PPP1R9A: variants seen among roughly 807,000 people sequenced by gnomAD.
PPP1R9A encodes the protein protein phosphatase 1 regulatory subunit 9A, also known as neurabin-1.
A neutral mutation model predicts 141.9 loss-of-function variants in PPP1R9A; 59 were observed. That is an observed-to-expected ratio of 0.42 (90% CI 0.34 to 0.52). The LOEUF is 0.52. PPP1R9A is among the 20% of genes least tolerant of loss of function. PPP1R9A has a pLI of 0.10. For synonymous variants in PPP1R9A, 500 were observed against 569.7 expected (o/e 0.88, Z 1.74); for missense variants, 1,444 against 1,611.9 (o/e 0.90, Z 1.78).
chr7:95,049,055 C>T (rs1326093985), intron 2 of PPP1R9A, among the ~76,000 whole-genome samples: 1 of 152,124 alleles, frequency 6.6e-6, no homozygotes, highest in Non-Finnish European at 1.5e-5. Context: ...CAAACAAGCA[C>T]AGGGAGAAGT....
At chr7:95,228,487 A>G (rs978226795) in intron 8 of PPP1R9A, among the ~76,000 whole-genome samples, 2 of 152,104 alleles carry the variant, frequency 1.3e-5, no homozygotes, top group African/African-American at 4.8e-5. Context: ...GAGGGCCAAC[A>G]TTATTATCTA....
chr7:95,162,040 C>T, intron 5 of PPP1R9A, 69 bp downstream of exon 5: 1 of 953,546 alleles, frequency 1.0e-6, no homozygotes, highest in Non-Finnish European at 1.5e-6. Flanking sequence ...TATAGTTTAA[C>T]CTGCAAATAA....
intron 2 of PPP1R9A, among the ~76,000 whole-genome samples, chr7:95,084,743 C>A (rs989879125): frequency 6.6e-6 from 1 of 151,916 alleles, no homozygotes; most frequent in African/African-American, 2.4e-5. Context: ...TGAGCCATAG[C>A]CCACTTAGTT....
intron 2 of PPP1R9A, among the ~76,000 whole-genome samples, chr7:95,019,048 A>G (rs1371758156): frequency 6.6e-6 from 1 of 152,222 alleles, no homozygotes; most frequent in African/African-American, 2.4e-5. Context: ...CATACCAGAC[A>G]TAAAAATTTG....
chr7:95,181,283 C>T (rs1203940948), intron 5 of PPP1R9A, among the ~76,000 whole-genome samples: 2 of 130,446 alleles, frequency 1.5e-5, no homozygotes, highest in African/African-American at 2.9e-5. Context: ...AATATATATT[C>T]CATCATATAT....
intron 2 of PPP1R9A, among the ~76,000 whole-genome samples, chr7:95,026,999 G>C (rs1041103459): frequency 9.9e-5 from 15 of 152,162 alleles, no homozygotes; most frequent in African/African-American, 3.6e-4. Context: ...TTTCAAGCCA[G>C]TGGATCTTAG....
chr7:95,010,780 CTA>C (rs1306897714), intron 2 of PPP1R9A, among the ~76,000 whole-genome samples: 2 of 151,806 alleles, frequency 1.3e-5, no homozygotes, highest in Non-Finnish European at 2.9e-5. Context: ...AAAATTATAA[CTA>C]TTTGAACCAG....
At chr7:95,101,865 C>T (rs1563237567) in intron 2 of PPP1R9A, among the ~76,000 whole-genome samples, 1 of 152,092 alleles carries the variant, frequency 6.6e-6, no homozygotes, top group Non-Finnish European at 1.5e-5. Context: ...TTAATCTTTA[C>T]ATTTCCTTTT....
chr7:95,263,080 G>A (rs1167999936), intron 12 of PPP1R9A, among the ~76,000 whole-genome samples: 1 of 152,052 alleles, frequency 6.6e-6, no homozygotes, highest in Non-Finnish European at 1.5e-5. Flanking sequence ...TTCTCTCATG[G>A]GGAAGACTGA....
At chr7:95,189,433 CTTTTTT>C (rs1195484637) in intron 5 of PPP1R9A, among the ~76,000 whole-genome samples, 2 of 116,232 alleles carry the variant, frequency 1.7e-5, no homozygotes, top group Non-Finnish European at 3.5e-5. Flanking sequence ...TTTGTTTATT[CTTTTTT>C]TTTTTTTTTT....
intron 5 of PPP1R9A, among the ~76,000 whole-genome samples, chr7:95,173,401 A>T (rs1832433068): frequency 6.6e-6 from 1 of 151,992 alleles, no homozygotes; most frequent in African/African-American, 2.4e-5. Flanking sequence ...CCATGTAACA[A>T]ATCTGCATAT....
At chr7:95,072,478 G>C (rs965891502) in intron 2 of PPP1R9A, among the ~76,000 whole-genome samples, 1 of 143,340 alleles carries the variant, frequency 7.0e-6, no homozygotes, top group Non-Finnish European at 1.5e-5. Context: ...ATTGTCACTT[G>C]ATTCACATGT....
intron 2 of PPP1R9A, among the ~76,000 whole-genome samples, chr7:95,068,554 T>A (rs1464753503): frequency 1.3e-5 from 2 of 149,486 alleles, no homozygotes; most frequent in African/African-American, 2.5e-5. Context: ...ATAGCCTGGG[T>A]TAGTTTTATG....
intron 1 of PPP1R9A, chr7:94,908,716 A>AATGGCG (rs1791101479): frequency 6.6e-6 from 1 of 152,088 alleles, no homozygotes; most frequent in Non-Finnish European, 1.5e-5. Context: ...GGGTGTGTGT[A>AATGGCG]GGGGAGAGGG....
chr7:95,023,887 G>A (rs566256099), intron 2 of PPP1R9A, among the ~76,000 whole-genome samples: 35 of 152,148 alleles, frequency 2.3e-4, no homozygotes, highest in Admixed American at 1.9e-3. Flanking sequence ...TTAGGGTGTC[G>A]ATTTTAGATC....
intron 4 of PPP1R9A, among the ~76,000 whole-genome samples, chr7:95,142,973 T>C (rs994285964): frequency 2.0e-5 from 3 of 152,132 alleles, no homozygotes; most frequent in Non-Finnish European, 4.4e-5. Flanking sequence ...TCATACTAAC[T>C]GGACTGTGTG....
chr7:94,923,448 GAGATGTCA>G (rs1793092342), intron 2 of PPP1R9A, among the ~76,000 whole-genome samples: 1 of 152,200 alleles, frequency 6.6e-6, no homozygotes, highest in South Asian at 2.1e-4. Flanking sequence ...TGAGACAGTG[GAGATGTCA>G]AGTTCATTAT....
chr7:94,950,065 A>G (rs773657581), intron 2 of PPP1R9A, among the ~76,000 whole-genome samples: 13 of 151,990 alleles, frequency 8.6e-5, no homozygotes, highest in African/African-American at 2.9e-4. Context: ...AATTATATCT[A>G]TTGCACAAGA....
chr7:95,118,632 A>G (rs1821937487), intron 3 of PPP1R9A, among the ~76,000 whole-genome samples: 1 of 152,260 alleles, frequency 6.6e-6, no homozygotes, highest in East Asian at 1.9e-4. Context: ...TAAGTTGGTT[A>G]TAAGTAGTAA....
Sources: gnomAD v4.1 joint callset for allele counts (sites outside exome capture counted in the v4.1 genomes callset) on GRCh38, gnomAD v4.1.1 for gene constraint, MANE v1.5 for transcripts, NCBI Gene and HGNC (gene_info 2026-07-23, HGNC 2026-07-21) for gene names.